Variants in NPAS3 observed in about 807,000 individuals in gnomAD.
NPAS3 encodes the protein neuronal PAS domain protein 3, also known as neuronal PAS domain-containing protein 3.
NPAS3 carries 14 observed loss-of-function variants against 73.1 expected under a neutral mutation model. The ratio of observed to expected loss-of-function variants is 0.19; its 90% CI spans 0.13 to 0.30. The LOEUF is 0.30. Among genes scored for constraint, NPAS3 ranks in the 10% least tolerant of loss-of-function variants. The pLI, the probability that NPAS3 is intolerant of heterozygous loss-of-function variation, is 1.00. For synonymous variants in NPAS3, 620 were observed against 541.5 expected, an observed-to-expected ratio of 1.14 and a Z score of -2.01; for missense variants, 1,096 against 1,250.0, an observed-to-expected ratio of 0.88 and a Z score of 1.86.
At chr14:33,118,263 T>C (rs559280894) in intron 2 of NPAS3, among the ~76,000 whole-genome samples, 3 of 152,200 alleles carry the variant, frequency 2.0e-5, no homozygotes, top group South Asian at 2.1e-4. Flanking sequence ...CAAGTATCTT[T>C]AGCTATGATG....
chr14:33,639,783 A>G (rs2058624715), intron 5 of NPAS3, among the ~76,000 whole-genome samples: 1 of 152,374 alleles, frequency 6.6e-6, no homozygotes, highest in South Asian at 2.1e-4. Flanking sequence ...GGCATTTAAA[A>G]GAGAAAAGTA....
At chr14:33,686,300 G>A (rs958086857) in intron 6 of NPAS3, among the ~76,000 whole-genome samples, 2 of 152,206 alleles carry the variant, frequency 1.3e-5, no homozygotes, top group African/African-American at 4.8e-5. Flanking sequence ...TCCAGAATGG[G>A]CCCAGATCAG....
At chr14:33,274,874 TTA>T (rs2041257428) in intron 3 of NPAS3, among the ~76,000 whole-genome samples, 1 of 152,174 alleles carries the variant, frequency 6.6e-6, no homozygotes, top group Non-Finnish European at 1.5e-5. Context: ...GGCTACATTT[TTA>T]TATAAGAAAA....
intron 1 of NPAS3, among the ~76,000 whole-genome samples, chr14:33,038,646 G>C (rs949223185): frequency 6.6e-6 from 1 of 152,078 alleles, no homozygotes; most frequent in Non-Finnish European, 1.5e-5. Flanking sequence ...GATAGCATTT[G>C]GGGTTAGCTG....
intron 1 of NPAS3, among the ~76,000 whole-genome samples, chr14:33,001,569 T>C (rs534430157): frequency 2.0e-5 from 3 of 152,310 alleles, no homozygotes; most frequent in African/African-American, 7.2e-5. Flanking sequence ...TCATTATTCA[T>C]TATTTTTTAT....
chr14:33,485,034 T>C (rs1194733207), intron 4 of NPAS3, among the ~76,000 whole-genome samples: 1 of 152,168 alleles, frequency 6.6e-6, no homozygotes, highest in African/African-American at 2.4e-5. Flanking sequence ...ATAGAACTGA[T>C]TCATGGACAG....
At chr14:33,288,140 C>A (rs1470760236) in intron 3 of NPAS3, among the ~76,000 whole-genome samples, 1 of 152,158 alleles carries the variant, frequency 6.6e-6, no homozygotes, top group Admixed American at 6.5e-5. Flanking sequence ...GGTTAGATAT[C>A]TGTACAGTTT....
chr14:33,258,806 T>TAC (rs2048867968), intron 3 of NPAS3, among the ~76,000 whole-genome samples: 1 of 152,092 alleles, frequency 6.6e-6, no homozygotes, highest in Non-Finnish European at 1.5e-5. Context: ...CATAAATAGC[T>TAC]GTAGCTCTTT....
rs559572969 is a variant in NPAS3, at chr14:32,967,340, T to C, written c.50+27974T>C. Among the ~76,000 whole-genome samples the C allele has an allele frequency of 2.6e-5, 4 of 152,348 alleles. No individual in the cohort carries two copies. The South Asian group carries it at 8.3e-4, about 32-fold the overall frequency. On this transcript the variant is annotated intron_variant, in intron 1 of 11. Coordinates refer to ENST00000356141, the Ensembl canonical transcript of NPAS3. ...ACAAAGTATGTGGAAATCAACTGTTTATGTTATTGGCAAGGCTTCTCATCA... is the reference window on the plus strand; with the variant it reads ...ACAAAGTATGTGGAAATCAACTGTTCATGTTATTGGCAAGGCTTCTCATCA...
In NPAS3 at chr14:33,664,225, A is replaced by T. The variant is rs139145036; in HGVS notation, c.559-11986A>T. Among the ~76,000 whole-genome samples the T allele has an allele frequency of 1.5e-4, 23 of 152,310 alleles. 1 individual carries two copies. Among genetic ancestry groups the T allele is most frequent in the African/African-American group, 5.5e-4 (23 of 41,572 alleles). On this transcript the variant is annotated intron_variant, in intron 5 of 11. Coordinates refer to ENST00000356141, the Ensembl canonical transcript of NPAS3. ...TCAGAAATAACGCTGCATATCTACA[A>T]CCATCTGATCTTTGACAAACCTGAC...
chr14:33,113,992 C>G (rs888495421), intron 2 of NPAS3, among the ~76,000 whole-genome samples: 2 of 152,044 alleles, frequency 1.3e-5, no homozygotes, highest in African/African-American at 4.8e-5. Context: ...TATGTTGAAC[C>G]AGCCTTGCAT....
At chr14:33,790,343 A>G (rs2138611223) in intron 9 of NPAS3, among the ~76,000 whole-genome samples, 1 of 152,388 alleles carries the variant, frequency 6.6e-6, no homozygotes, top group Non-Finnish European at 1.5e-5. Flanking sequence ...TGAAAATAAA[A>G]AACAACAGCC....
upstream of NPAS3, among the ~76,000 whole-genome samples, chr14:32,938,946 C>A (rs1371341481): frequency 2.1e-5 from 3 of 145,876 alleles, no homozygotes; most frequent in African/African-American, 4.9e-5. Flanking sequence ...GGGCGCTCTG[C>A]GGCGCATGGA....
intron 4 of NPAS3, among the ~76,000 whole-genome samples, chr14:33,496,210 C>T (rs141991829): frequency 1.3e-5 from 2 of 151,978 alleles, no homozygotes; most frequent in Non-Finnish European, 1.5e-5. Context: ...TAATTAATAG[C>T]CTACCAACCA....
rs1555409894 is a variant in NPAS3, at chr14:33,544,788, T to TTATATATATATATATATATATACACA, written c.469-15311_469-15310insCACATATATATATATATATATATATA. On this transcript the variant is annotated intron_variant, in intron 4 of 11. Coordinates refer to ENST00000356141, the Ensembl canonical transcript of NPAS3. Reference sequence around the variant, plus strand: ...GCATGTATGTGTTTATGTGTGTGTATTATATATATATATATATATATATGT... The same window carrying TTATATATATATATATATATATACACA: ...GCATGTATGTGTTTATGTGTGTGTATTATATATATATATATATATATACACATATATATATATATATATATATATGT... 1.6e-4 allele frequency among the ~76,000 whole-genome samples: 10 copies of TTATATATATATATATATATATACACA among 63,256 alleles called. 1 individual carries two copies. Among genetic ancestry groups the TTATATATATATATATATATATACACA allele is most frequent in the African/African-American group, 8.6e-4 (10 of 11,562 alleles). 41.5% of individuals were successfully genotyped at this position (63,256 alleles called of 152,430 possible). A position where few individuals can be genotyped will look rare whatever the true frequency, so the allele number is the denominator to read the frequency against.
chr14:33,753,358 T>TAAAAAAAAAAAAAAAAAAAAAAA (rs34619014), intron 7 of NPAS3, among the ~76,000 whole-genome samples: 1 of 129,440 alleles, frequency 7.7e-6, no homozygotes, highest in African/African-American at 2.8e-5. Context: ...GTTAAATTGA[T>TAAAAAAAAAAAAAAAAAAAAAAA]AAAAAAAAAA....
At chr14:33,168,868 TTTCTCAAA>T (rs1477103549) in intron 2 of NPAS3, among the ~76,000 whole-genome samples, 102 of 152,328 alleles carry the variant, frequency 6.7e-4, no homozygotes, top group African/African-American at 2.4e-3. Context: ...AAAATGAGTC[TTTCTCAAA>T]GAGGATTTTG....
chr14:33,529,651 T>G (rs1192869481), intron 4 of NPAS3, among the ~76,000 whole-genome samples: 1 of 152,024 alleles, frequency 6.6e-6, no homozygotes, highest in Non-Finnish European at 1.5e-5. Flanking sequence ...GTATGTTTTT[T>G]TTCTTAAGCA....
chr14:33,340,780 C>T lies in NPAS3; in HGVS notation c.386-26406C>T, dbSNP rs191914412. ...TTTTCCTAGATAGTATTCCTTATAT[C>T]AATTATCCGAATAATCTTTAGACTG... On this transcript the variant is annotated intron_variant, in intron 3 of 11. Transcript: ENST00000356141. 9.7e-4 allele frequency among the ~76,000 whole-genome samples: 148 copies of T among 152,232 alleles called. 1 individual carries two copies. Among genetic ancestry groups the T allele is most frequent in the South Asian group, 7.0e-3 (34 of 4,824 alleles).
Sources: allele counts gnomAD v4.1 joint callset (sites outside exome capture counted in the v4.1 genomes callset), GRCh38; gene constraint gnomAD v4.1.1; transcripts MANE v1.5; gene names NCBI Gene and HGNC (gene_info 2026-07-23, HGNC 2026-07-21).